Variants in MIPEP observed in about 807,000 individuals in gnomAD.
MIPEP encodes the protein mitochondrial intermediate peptidase.
In MIPEP, 79 loss-of-function variants were observed where a neutral mutation model predicts 90.3. The observed-to-expected ratio is 0.87, with a 90% CI of 0.73 to 1.05. The LOEUF (loss-of-function observed/expected upper bound fraction) is 1.05. Among genes scored for constraint, MIPEP ranks in the 50% least tolerant of loss-of-function variants. The pLI is 0.00. For missense variants in MIPEP, 940 were observed against 905.6 expected, an observed-to-expected ratio of 1.04 and a Z score of -0.49; for synonymous variants, 334 against 315.8, an observed-to-expected ratio of 1.06 and a Z score of -0.61.
At chr13:23,829,634 C>G (rs540013299) in intron 14 of MIPEP, among the ~76,000 whole-genome samples, 1 of 152,174 alleles carries the variant, frequency 6.6e-6, no homozygotes. Context: ...AAAAAGACAT[C>G]TGACAGAAAA....
chr13:23,815,909 T>C (rs1174922589), intron 14 of MIPEP, among the ~76,000 whole-genome samples: 11 of 152,242 alleles, frequency 7.2e-5, no homozygotes, highest in Admixed American at 6.5e-4. Flanking sequence ...TTCTAGCTCA[T>C]ATTTATAAAA....
At chr13:23,730,562 G>T in intron 18 of MIPEP, 117 bp from the exon 19 acceptor site, 2 of 692,678 alleles carry the variant, frequency 2.9e-6, no homozygotes. Flanking sequence ...TAAGACTCTG[G>T]CTGTATAACC....
chr13:23,873,836 A>G (rs77205844), intron 5 of MIPEP, among the ~76,000 whole-genome samples: 3,183 of 152,344 alleles, frequency 0.021, 48 homozygotes, highest in Non-Finnish European at 0.033. Flanking sequence ...GTGAGTTTAC[A>G]GTAGAGCCCA....
intron 9 of MIPEP, among the ~76,000 whole-genome samples, chr13:23,860,798 T>G (rs551173271): frequency 8.6e-5 from 13 of 151,932 alleles, no homozygotes; most frequent in Admixed American, 2.0e-4. Context: ...AACAAAAGGC[T>G]AGAAACCAGT....
chr13:23,883,317 A>T (rs9580773), intron 2 of MIPEP, among the ~76,000 whole-genome samples: 6,444 of 152,272 alleles, frequency 0.042, 439 homozygotes, highest in African/African-American at 0.15. Context: ...AGTGAAGATC[A>T]AAAGCAAAAA....
intron 14 of MIPEP, among the ~76,000 whole-genome samples, chr13:23,833,339 C>A (rs779479980): frequency 7.9e-5 from 12 of 152,330 alleles, no homozygotes; most frequent in Non-Finnish European, 1.5e-4. Context: ...TGTCTCTTGC[C>A]TTTGGGCACG....
chr13:23,889,307 C>A lies in MIPEP; in HGVS notation c.14G>T (p.Gly5Val). The change falls in exon 1 of 19, where the codon GGA becomes GTA. Residue 5 changes from glycine to valine, a missense_variant. Transcript: ENST00000382172. MLCV[G>V]RLGGLGARAA... Reference sequence around the variant, plus strand: ...TCTGGCTCCCAAGCCGCCCAGCCTTCCGACGCACAGCATTCTAGCACCAGA... The same window carrying A: ...TCTGGCTCCCAAGCCGCCCAGCCTTACGACGCACAGCATTCTAGCACCAGA... 7.4e-7 allele frequency: 1 copy of A among 1,349,640 alleles called. No homozygotes were observed. The highest frequency in any genetic ancestry group is 9.5e-7 in the Non-Finnish European group (1 of 1,048,748). 83.6% of individuals were successfully genotyped at this position (1,349,640 alleles called of 1,614,324 possible).
chr13:23,799,002 T>TG (rs779137803), intron 16 of MIPEP, among the ~76,000 whole-genome samples: 5 of 87,290 alleles, frequency 5.7e-5, no homozygotes, highest in African/African-American at 2.3e-4. Context: ...TTTTTTTGGT[T>TG]TTTTTTTTTT....
At chr13:23,868,421 G>C (rs542382739) in intron 7 of MIPEP, among the ~76,000 whole-genome samples, 1 of 152,150 alleles carries the variant, frequency 6.6e-6, no homozygotes, top group South Asian at 2.1e-4. Flanking sequence ...TTGGAGAAGA[G>C]AGGAACATGC....
At chr13:23,815,338 CAG>C (rs1953221303) in intron 14 of MIPEP, among the ~76,000 whole-genome samples, 1 of 147,484 alleles carries the variant, frequency 6.8e-6, no homozygotes, top group Non-Finnish European at 1.5e-5. Flanking sequence ...TTTTTTGAGT[CAG>C]AGTCTCGCTG....
chr13:23,770,713 T>C (rs2138531401), intron 16 of MIPEP, among the ~76,000 whole-genome samples: 1 of 152,246 alleles, frequency 6.6e-6, no homozygotes, highest in East Asian at 1.9e-4. Flanking sequence ...CCCCTCCCCA[T>C]TAATCTAATC....
chr13:23,755,624 A>T (rs141599833), intron 18 of MIPEP, among the ~76,000 whole-genome samples: 1 of 152,224 alleles, frequency 6.6e-6, no homozygotes, highest in Non-Finnish European at 1.5e-5. Context: ...ATCTAGTAAC[A>T]TTCATATCTT....
chr13:23,778,957 T>A (rs1389021203), intron 16 of MIPEP, among the ~76,000 whole-genome samples: 1 of 152,222 alleles, frequency 6.6e-6, no homozygotes, highest in Non-Finnish European at 1.5e-5. Flanking sequence ...CTACTCATGT[T>A]GTAACTCCTC....
At chr13:23,760,042 A>G in intron 17 of MIPEP, 54 bp downstream of exon 17, 2 of 1,609,380 alleles carry the variant, frequency 1.2e-6, no homozygotes, top group South Asian at 2.2e-5. Flanking sequence ...GATGTAATAG[A>G]GTGGGGAATT....
intron 14 of MIPEP, among the ~76,000 whole-genome samples, chr13:23,820,117 G>C (rs1953288258): frequency 6.6e-6 from 1 of 152,138 alleles, no homozygotes; most frequent in Non-Finnish European, 1.5e-5. Flanking sequence ...TTTAAAAAAT[G>C]GGTTAAGTGT....
intron 14 of MIPEP, among the ~76,000 whole-genome samples, chr13:23,814,589 C>G (rs1953213485): frequency 2.6e-5 from 4 of 152,108 alleles, no homozygotes; most frequent in Admixed American, 2.6e-4. Flanking sequence ...AAAAAGAATC[C>G]TACCAGCATA....
intron 14 of MIPEP, among the ~76,000 whole-genome samples, chr13:23,830,926 G>A (rs1273102832): frequency 1.3e-5 from 2 of 152,168 alleles, no homozygotes; most frequent in Non-Finnish European, 2.9e-5. Flanking sequence ...GCAATATGCT[G>A]AGGACAAAGG....
At chr13:23,849,066 T>G (rs1028112325) in intron 10 of MIPEP, among the ~76,000 whole-genome samples, 4 of 152,076 alleles carry the variant, frequency 2.6e-5, no homozygotes, top group African/African-American at 9.7e-5. Flanking sequence ...GGTGTTTGGG[T>G]GGTCACAGGC....
At chr13:23,842,006 T>A (rs1184656100) in intron 10 of MIPEP, among the ~76,000 whole-genome samples, 2 of 152,218 alleles carry the variant, frequency 1.3e-5, no homozygotes, top group East Asian at 1.9e-4. Flanking sequence ...TCAGATCTTA[T>A]CTGTTTTATA....
Sources: gnomAD v4.1 joint callset for allele counts (sites outside exome capture counted in the v4.1 genomes callset) on GRCh38, gnomAD v4.1.1 for gene constraint, MANE v1.5 for transcripts, NCBI Gene and HGNC (gene_info 2026-07-23, HGNC 2026-07-21) for gene names.